Variants in ARHGEF37 observed in about 807,000 individuals in gnomAD.
The protein encoded by ARHGEF37 is Rho guanine nucleotide exchange factor 37, also known as Rho guanine nucleotide exchange factor (GEF) 37.
In ARHGEF37, 55 loss-of-function variants were observed where a neutral mutation model predicts 71.1. The observed-to-expected ratio is 0.77, with a 90% CI of 0.62 to 0.97. The LOEUF (loss-of-function observed/expected upper bound fraction) is 0.97, where lower values mean the gene tolerates loss of function less well. Ranked by LOEUF, ARHGEF37 falls within the 50% of genes least tolerant of loss-of-function variation. The pLI is 0.00. For missense variants in ARHGEF37, 765 were observed against 836.8 expected (o/e 0.91, Z 1.06); for synonymous variants, 327 against 350.6 (o/e 0.93, Z 0.75).
intron 1 of ARHGEF37, among the ~76,000 whole-genome samples, chr5:149,566,174 G>A (rs985477335): frequency 3.3e-5 from 5 of 151,534 alleles, no homozygotes; most frequent in Admixed American, 3.3e-4. Flanking sequence ...TATGGCTTTG[G>A]AAGAAGTTTA....
At chr5:149,594,239 T>A (rs1391379961) in intron 1 of ARHGEF37, among the ~76,000 whole-genome samples, 1 of 152,222 alleles carries the variant, frequency 6.6e-6, no homozygotes, top group Non-Finnish European at 1.5e-5. Context: ...TTAGTAGTTC[T>A]CTGTAAAGTA....
In ARHGEF37 at chr5:149,632,561, T is replaced by G; in HGVS notation, c.*370T>G. The G allele has an allele frequency of 4.2e-6, 1 of 239,334 alleles. No individual in the cohort carries two copies. The highest frequency in any genetic ancestry group is 4.8e-5 in the Admixed American group (1 of 20,652). The allele number at this position is 239,334 out of a possible 1,614,324, so 14.8% of individuals were successfully genotyped here. Reference sequence around the variant, plus strand: ...GGGCGTGGGTCACACGGGATAATGTTACCTGCGTGCTGTGTGGTTGCAGGA... The same window carrying G: ...GGGCGTGGGTCACACGGGATAATGTGACCTGCGTGCTGTGTGGTTGCAGGA... On this transcript the variant is annotated 3_prime_UTR_variant, in exon 13 of 13. Coordinates refer to ENST00000333677, the MANE Select transcript of ARHGEF37 (RefSeq NM_001001669.3).
chr5:149,625,780 A>G (rs996911740), intron 10 of ARHGEF37, among the ~76,000 whole-genome samples: 1 of 134,230 alleles, frequency 7.4e-6, no homozygotes, highest in Non-Finnish European at 1.7e-5. Context: ...CACACACACA[A>G]ACCTCCTGCA....
intron 9 of ARHGEF37, among the ~76,000 whole-genome samples, chr5:149,623,101 A>C (rs1332809459): frequency 6.6e-6 from 1 of 151,980 alleles, no homozygotes; most frequent in Non-Finnish European, 1.5e-5. Flanking sequence ...GCCCCTCTCC[A>C]TTGTCCCTGA....
At chr5:149,622,839 C>T (rs1032836433) in intron 9 of ARHGEF37, among the ~76,000 whole-genome samples, 6 of 152,230 alleles carry the variant, frequency 3.9e-5, no homozygotes, top group Non-Finnish European at 5.9e-5. Flanking sequence ...ATCTTGCTCT[C>T]AGATGTCAAC....
rs1376380204 is a variant in ARHGEF37, at chr5:149,622,748, AT to A, written c.1335+687del. Among the ~76,000 whole-genome samples, 11 of 152,302 alleles carry A rather than the reference AT, an allele frequency of 7.2e-5. No individual in the cohort carries two copies. The South Asian group carries it at 2.3e-3, about 32-fold the overall frequency. On this transcript the variant is annotated intron_variant, in intron 9 of 12. Coordinates refer to ENST00000333677, the MANE Select transcript of ARHGEF37 (RefSeq NM_001001669.3). ...ATAAATAGGTTCCACAGAGGTTTGGATAAACCTCCAAATGCAAACTTTGATT... is the reference window on the plus strand; with the variant it reads ...ATAAATAGGTTCCACAGAGGTTTGGAAAACCTCCAAATGCAAACTTTGATT...
At chr5:149,592,061 G>C (rs1317275680) in intron 1 of ARHGEF37, among the ~76,000 whole-genome samples, 2 of 152,098 alleles carry the variant, frequency 1.3e-5, no homozygotes, top group Non-Finnish European at 2.9e-5. Context: ...GCAAAGGGAG[G>C]CCCTCTGTAC....
rs758328492 is a variant in ARHGEF37, at chr5:149,616,622, A to G, written c.514A>G (p.Ile172Val). 1 of 1,612,962 alleles carries G rather than the reference A, an allele frequency of 6.2e-7. No individual in the cohort carries two copies. The highest frequency in any genetic ancestry group is 8.5e-7 in the Non-Finnish European group (1 of 1,179,754). ...SFLLVIPLQR[I>V]TRYPLLLQKI... ...CTTGCTGGTAATTCCTCTGCAGAGG[A>G]TCACCAGGTACCCACTGCTGCTGCA... is the stretch of plus-strand genomic sequence containing the variant. Residue 172 changes from isoleucine (I) to valine (V), a missense_variant, in exon 5 of 13, where the codon ATC becomes GTC. This residue lies in a region of ARHGEF37 where 201 missense variants were observed against 217.5 expected (regional missense o/e 0.92). Transcript: ENST00000333677.
At chr5:149,586,052 C>A (rs184726962) in intron 1 of ARHGEF37, among the ~76,000 whole-genome samples, 2 of 152,168 alleles carry the variant, frequency 1.3e-5, no homozygotes, top group African/African-American at 4.8e-5. Flanking sequence ...AGAGTAAACA[C>A]TAGGTAATGC....
upstream of ARHGEF37, among the ~76,000 whole-genome samples, chr5:149,580,834 TG>T (rs1241512325): frequency 6.6e-6 from 1 of 152,228 alleles, no homozygotes; most frequent in African/African-American, 2.4e-5. Flanking sequence ...AAACAAGGTT[TG>T]GTTGCCCCGA....
At chr5:149,629,188 C>T (rs6874995) in intron 12 of ARHGEF37, among the ~76,000 whole-genome samples, 1 of 151,712 alleles carries the variant, frequency 6.6e-6, no homozygotes, top group Non-Finnish European at 1.5e-5. Flanking sequence ...GAACTAACCC[C>T]TTGTTCCTCA....
intron 8 of ARHGEF37, 46 bp from the exon 9 acceptor site, chr5:149,621,687 C>G: frequency 6.4e-7 from 1 of 1,560,566 alleles, no homozygotes; most frequent in Non-Finnish European, 8.7e-7. Flanking sequence ...AGCCCCTGCC[C>G]TTTGCCACCT....
At chr5:149,631,188 T>C (rs1370929542) in intron 12 of ARHGEF37, among the ~76,000 whole-genome samples, 4 of 151,144 alleles carry the variant, frequency 2.6e-5, no homozygotes, top group Admixed American at 6.6e-5. Flanking sequence ...TTCTTTTTTT[T>C]TTTTTCGGGG....
intron 1 of ARHGEF37, among the ~76,000 whole-genome samples, chr5:149,566,529 C>A (rs1432460282): frequency 6.9e-6 from 1 of 145,368 alleles, no homozygotes; most frequent in Non-Finnish European, 1.5e-5. Flanking sequence ...AAAAACCAAC[C>A]AAACAACAAC....
Position 149,624,054 on chromosome 5 carries a change from G to A in ARHGEF37, c.1378G>A (p.Val460Met). The change falls in exon 10 of 13, where the codon GTG becomes ATG. Residue 460 changes from valine (V) to methionine (M), a missense_variant. Val to Met is a conservative substitution (Grantham distance 21, BLOSUM62 1). Coordinates refer to ENST00000333677, the MANE Select transcript of ARHGEF37 (RefSeq NM_001001669.3). ...CCCAGAGCCTGCCTTCAGGAAGCTG[G>A]TGGAGGACGCACTGGGCCGGACGAG... Reference protein sequence around the residue: ...HVPEPAFRKLVEDALGRTSNQ... With the variant: ...HVPEPAFRKLMEDALGRTSNQ... The A allele has an allele frequency of 6.2e-7, 1 of 1,609,550 alleles. No individual in the cohort carries two copies. Among genetic ancestry groups the A allele is most frequent in the Non-Finnish European group, 8.5e-7 (1 of 1,176,200 alleles).
chr5:149,579,855 G>A (rs1236740206), upstream of ARHGEF37, among the ~76,000 whole-genome samples: 1 of 151,930 alleles, frequency 6.6e-6, no homozygotes, highest in Non-Finnish European at 1.5e-5. Context: ...GTGCCAAAGG[G>A]ATTACAGGCG....
intron 1 of ARHGEF37, among the ~76,000 whole-genome samples, chr5:149,556,295 G>C (rs1489595138): frequency 1.3e-5 from 2 of 152,234 alleles, no homozygotes; most frequent in Non-Finnish European, 2.9e-5. Flanking sequence ...CCGGGTGCAA[G>C]TGATTCTCCT....
At chr5:149,569,005 CTT>C (rs1176588442) in intron 1 of ARHGEF37, among the ~76,000 whole-genome samples, 2 of 151,934 alleles carry the variant, frequency 1.3e-5, no homozygotes, top group Non-Finnish European at 2.9e-5. Flanking sequence ...AGTATGTGCT[CTT>C]TGTGTCCAGC....
Position 149,624,071 on chromosome 5 carries a change from C to T in ARHGEF37, c.1395C>T (p.Gly465=). The T allele has an allele frequency of 6.2e-7, 1 of 1,611,980 alleles. No individual in the cohort carries two copies. The highest frequency in any genetic ancestry group is 1.3e-5 in the African/African-American group (1 of 75,016). The change falls in exon 10 of 13, where the codon GGC becomes GGT. Residue 465 remains glycine, a synonymous_variant. Transcript: ENST00000333677. ...AFRKLVEDAL[G]RTSNQLRSFQ... is the part of the protein sequence containing the mutation. Reference sequence around the variant, plus strand: ...GGAAGCTGGTGGAGGACGCACTGGGCCGGACGAGTAACCAGCTTCGCTCCT... The same window carrying T: ...GGAAGCTGGTGGAGGACGCACTGGGTCGGACGAGTAACCAGCTTCGCTCCT...
Sources: allele counts gnomAD v4.1 joint callset (sites outside exome capture counted in the v4.1 genomes callset), GRCh38; gene constraint gnomAD v4.1.1; regional missense constraint gnomAD v4.1.1; transcripts MANE v1.5; gene names NCBI Gene and HGNC (gene_info 2026-07-23, HGNC 2026-07-21).